ZNF385D: variants seen among roughly 807,000 people sequenced by gnomAD.
ZNF385D encodes the protein zinc finger protein 659.
A neutral mutation model predicts 35.8 loss-of-function variants in ZNF385D; 15 were observed. The observed-to-expected ratio is 0.42, with a 90% CI of 0.28 to 0.64. The LOEUF is 0.64. Ranked by LOEUF, ZNF385D falls within the 30% of genes least tolerant of loss-of-function variation. The pLI, the probability that ZNF385D is intolerant of heterozygous loss-of-function variation, is 0.23. For synonymous variants in ZNF385D, 212 were observed against 186.8 expected (o/e 1.13, Z -1.10); for missense variants, 474 against 494.6 (o/e 0.96, Z 0.39).
At chr3:22,083,716 C>A (rs1345581388) in intron 3 of ZNF385D, among the ~76,000 whole-genome samples, 1 of 152,120 alleles carries the variant, frequency 6.6e-6, no homozygotes, top group South Asian at 2.1e-4. Context: ...CATTCAAATT[C>A]AAGAAATACA....
chr3:21,619,094 T>C (rs1158857175), intron 2 of ZNF385D, among the ~76,000 whole-genome samples: 1 of 152,094 alleles, frequency 6.6e-6, no homozygotes, highest in Non-Finnish European at 1.5e-5. Context: ...CAGCAAACCA[T>C]GTAGCTAGAT....
intron 3 of ZNF385D, among the ~76,000 whole-genome samples, chr3:21,809,631 T>C (rs1011177723): frequency 1.4e-5 from 2 of 146,818 alleles, no homozygotes; most frequent in Non-Finnish European, 1.5e-5. Flanking sequence ...CATACACACA[T>C]ATATACACAT....
At chr3:21,910,246 T>G (rs934435507) in intron 3 of ZNF385D, among the ~76,000 whole-genome samples, 1 of 151,990 alleles carries the variant, frequency 6.6e-6, no homozygotes, top group African/African-American at 2.4e-5. Flanking sequence ...ATGATACCAT[T>G]TGCCAGGCAT....
intron 3 of ZNF385D, among the ~76,000 whole-genome samples, chr3:22,066,628 G>A (rs1217059304): frequency 1.3e-5 from 2 of 151,340 alleles, no homozygotes; most frequent in Admixed American, 6.6e-5. Flanking sequence ...GTGCACCAGT[G>A]AGAATTATAA....
chr3:21,741,797 C>A (rs1190263208), intron 1 of ZNF385D, among the ~76,000 whole-genome samples: 2 of 152,144 alleles, frequency 1.3e-5, no homozygotes, highest in Non-Finnish European at 2.9e-5. Context: ...CCATTAGAGT[C>A]TTGCAGGGGA....
intron 3 of ZNF385D, among the ~76,000 whole-genome samples, chr3:22,057,430 A>G (rs569069141): frequency 5.3e-5 from 8 of 152,324 alleles, no homozygotes; most frequent in African/African-American, 1.4e-4. Flanking sequence ...TGCTTTTACT[A>G]TATCAACTGA....
At position 22,141,895 on chromosome 3, in the gene ZNF385D, G is replaced by T. The variant is rs551819952; in HGVS notation, c.325+26922C>A. Among the ~76,000 whole-genome samples the T allele has an allele frequency of 4.6e-5, 7 of 152,322 alleles. No individual in the cohort carries two copies. In the South Asian group the frequency reaches 1.4e-3, roughly 32 times the overall value. On this transcript the variant is annotated intron_variant, in intron 3 of 5. Coordinates refer to the ZNF385D transcript ENST00000494108. ...TGATCTTTATCCCAAAGACAGTACTGTTTGCCTTGTGGCATTTTATTGCCT... is the reference window on the plus strand; with the variant it reads ...TGATCTTTATCCCAAAGACAGTACTTTTTGCCTTGTGGCATTTTATTGCCT...
At chr3:21,774,836 A>G (rs954113927) in intron 3 of ZNF385D, among the ~76,000 whole-genome samples, 7 of 151,880 alleles carry the variant, frequency 4.6e-5, no homozygotes, top group Non-Finnish European at 1.0e-4. Context: ...TTTGGATATG[A>G]TGTTTATAAT....
intron 3 of ZNF385D, among the ~76,000 whole-genome samples, chr3:22,005,056 C>CAAAAAA (rs71044965): frequency 3.3e-4 from 19 of 57,368 alleles, no homozygotes; most frequent in East Asian, 1.1e-3. Context: ...CACTCAGCAG[C>CAAAAAA]AAAAAAAAAA....
rs563977600 is a variant in ZNF385D, at chr3:21,664,974, G to T, written c.77C>A (p.Pro26His). 1 of 1,613,644 alleles carries T rather than the reference G, an allele frequency of 6.2e-7. No individual in the cohort carries two copies. The highest frequency in any genetic ancestry group is 2.2e-5 in the East Asian group (1 of 44,860). ...TTTAATATCCAGCGATGGTTGCAAA[G>T]GAGGGGCTGGTGGACGGACAAGGGC... ...LPALVRPPAP[P>H]LQPSLDIKPF... The change falls in exon 2 of 8, where the codon CCT becomes CAT. Residue 26 changes from proline to histidine, a missense_variant. Physicochemically the swap from Pro to His is moderately conservative, Grantham distance 77. Coordinates refer to ENST00000281523, the MANE Select transcript of ZNF385D (RefSeq NM_024697.3).
intron 3 of ZNF385D, among the ~76,000 whole-genome samples, chr3:21,997,362 T>A (rs1328784039): frequency 6.6e-6 from 1 of 151,784 alleles, no homozygotes; most frequent in Admixed American, 6.6e-5. Context: ...GGTGGGGGGA[T>A]TGGGGAGGGA....
intron 2 of ZNF385D, among the ~76,000 whole-genome samples, chr3:21,589,254 C>A (rs1441864878): frequency 6.6e-6 from 1 of 152,146 alleles, no homozygotes; most frequent in Non-Finnish European, 1.5e-5. Context: ...GAGGGAAGAG[C>A]ACTTCAGGCA....
intron 2 of ZNF385D, among the ~76,000 whole-genome samples, chr3:21,653,470 G>A (rs1322609511): frequency 1.3e-5 from 2 of 151,974 alleles, no homozygotes; most frequent in Non-Finnish European, 2.9e-5. Context: ...ATGAGCCACA[G>A]TAAGAAGCTT....
At chr3:22,016,241 C>G (rs1026454330) in intron 3 of ZNF385D, among the ~76,000 whole-genome samples, 23 of 152,090 alleles carry the variant, frequency 1.5e-4, no homozygotes, top group African/African-American at 4.1e-4. Context: ...GGAGATGCCA[C>G]TAGCATTTGG....
chr3:21,832,455 G>T (rs1379274513), intron 3 of ZNF385D, among the ~76,000 whole-genome samples: 1 of 152,266 alleles, frequency 6.6e-6, no homozygotes, highest in Non-Finnish European at 1.5e-5. Context: ...CTAGCTAATA[G>T]GGTGTCATAC....
intron 3 of ZNF385D, among the ~76,000 whole-genome samples, chr3:21,962,730 T>C (rs1702665779): frequency 6.6e-6 from 1 of 152,320 alleles, no homozygotes; most frequent in African/African-American, 2.4e-5. Context: ...CCAGATGATT[T>C]TCTTTTTCTG....
At chr3:22,174,189 C>T (rs1006305727) in intron 2 of ZNF385D, among the ~76,000 whole-genome samples, 4 of 152,124 alleles carry the variant, frequency 2.6e-5, no homozygotes, top group Non-Finnish European at 5.9e-5. Flanking sequence ...TAGTTGACAA[C>T]CAAACCCAAT....
At chr3:22,136,008 A>G (rs1704077423) in intron 3 of ZNF385D, among the ~76,000 whole-genome samples, 1 of 152,208 alleles carries the variant, frequency 6.6e-6, no homozygotes, top group South Asian at 2.1e-4. Context: ...AATATGCTAC[A>G]AAATTAGTAA....
At chr3:21,734,134 T>A (rs1020156756) in intron 1 of ZNF385D, among the ~76,000 whole-genome samples, 1 of 152,174 alleles carries the variant, frequency 6.6e-6, no homozygotes, top group African/African-American at 2.4e-5. Flanking sequence ...TTGAATGCAA[T>A]TGCATTATGC....
Sources: allele counts gnomAD v4.1 joint callset (sites outside exome capture counted in the v4.1 genomes callset), GRCh38; gene constraint gnomAD v4.1.1; transcripts MANE v1.5; gene names NCBI Gene and HGNC (gene_info 2026-07-23, HGNC 2026-07-21).